SH3D19: variants seen among roughly 807,000 people sequenced by gnomAD.
SH3D19 encodes SH3 domain-containing protein 19.
In SH3D19, 58 loss-of-function variants were observed where a neutral mutation model predicts 112.1. The observed-to-expected ratio is 0.52, with a 90% CI of 0.42 to 0.64. SH3D19 has a LOEUF of 0.64. Among genes scored for constraint, SH3D19 ranks in the 30% least tolerant of loss-of-function variants. The pLI, the probability that SH3D19 is intolerant of heterozygous loss-of-function variation, is 0.00. For missense variants in SH3D19, 1,090 were observed against 1,263.4 expected, an observed-to-expected ratio of 0.86 and a Z score of 2.08; for synonymous variants, 391 against 448.5, an observed-to-expected ratio of 0.87 and a Z score of 1.62.
intron 7 of SH3D19, among the ~76,000 whole-genome samples, chr4:151,171,569 A>G (rs1008917603): frequency 1.3e-5 from 2 of 152,146 alleles, no homozygotes; most frequent in African/African-American, 4.8e-5. Flanking sequence ...CTGGTGAACA[A>G]GCAGAGGCCT....
intron 1 of SH3D19, among the ~76,000 whole-genome samples, chr4:151,234,857 A>G (rs1176787780): frequency 7.2e-6 from 1 of 139,424 alleles, no homozygotes; most frequent in Non-Finnish European, 1.5e-5. Context: ...AGGAGATCCC[A>G]CCTCGCCTCC....
intron 1 of SH3D19, among the ~76,000 whole-genome samples, chr4:151,312,185 C>T (rs918047472): frequency 3.3e-5 from 5 of 151,776 alleles, no homozygotes; most frequent in African/African-American, 1.2e-4. Flanking sequence ...TGAATTATAC[C>T]TCCACAAAGC....
At chr4:151,224,156 A>C (rs1429322575) in intron 2 of SH3D19, among the ~76,000 whole-genome samples, 4 of 152,148 alleles carry the variant, frequency 2.6e-5, no homozygotes, top group Non-Finnish European at 5.9e-5. Context: ...AAAAACACAA[A>C]AAATTAGCCA....
At chr4:151,180,282 T>C (rs1579990830) in intron 3 of SH3D19, among the ~76,000 whole-genome samples, 1 of 152,248 alleles carries the variant, frequency 6.6e-6, no homozygotes, top group East Asian at 1.9e-4. Context: ...CACTGACTTT[T>C]TCCTTAAGTC....
intron 1 of SH3D19, among the ~76,000 whole-genome samples, chr4:151,273,589 CAAAA>C (rs60600816): frequency 1.5e-5 from 1 of 64,650 alleles, no homozygotes; most frequent in Non-Finnish European, 2.5e-5. Context: ...GACTCCATCT[CAAAA>C]AAAAAAAAAA....
At chr4:151,280,092 T>C (rs1002071776) in intron 1 of SH3D19, 13 of 1,089,190 alleles carry the variant, frequency 1.2e-5, no homozygotes, top group African/African-American at 3.2e-5. Context: ...TGTCAGACTA[T>C]CAAACCCGAA....
chr4:151,316,762 G>A (rs1007254784), intron 1 of SH3D19, among the ~76,000 whole-genome samples: 12 of 151,964 alleles, frequency 7.9e-5, no homozygotes, highest in African/African-American at 2.7e-4. Context: ...TACAGTTCCT[G>A]AAGGTGAGGC....
intron 7 of SH3D19, among the ~76,000 whole-genome samples, chr4:151,169,292 GA>G (rs35229005): frequency 4.6e-5 from 7 of 151,444 alleles, no homozygotes; most frequent in East Asian, 3.9e-4. Context: ...ATGTCTCCGG[GA>G]AAAAAAAATT....
intron 1 of SH3D19, among the ~76,000 whole-genome samples, chr4:151,273,689 G>T (rs2149999514): frequency 6.6e-6 from 1 of 151,442 alleles, no homozygotes; most frequent in East Asian, 1.9e-4. Context: ...TTGCTCCTGT[G>T]GTAAGTCAAC....
chr4:151,221,661 A>G (rs1186381219), intron 2 of SH3D19, among the ~76,000 whole-genome samples: 1 of 152,216 alleles, frequency 6.6e-6, no homozygotes, highest in African/African-American at 2.4e-5. Context: ...TATTTATTCA[A>G]CAATTATTTA....
intron 9 of SH3D19, among the ~76,000 whole-genome samples, chr4:151,155,035 G>T (rs543554326): frequency 1.3e-5 from 2 of 152,304 alleles, no homozygotes; most frequent in South Asian, 4.1e-4. Context: ...TGGGATTACA[G>T]GTGTGAGCCA....
chr4:151,142,141 A>G (rs1753118157), intron 12 of SH3D19, among the ~76,000 whole-genome samples: 1 of 152,250 alleles, frequency 6.6e-6, no homozygotes, highest in Non-Finnish European at 1.5e-5. Flanking sequence ...AATATTAAGA[A>G]TAGCTAATAT....
At chr4:151,253,238 C>T (rs1771545100) in intron 1 of SH3D19, among the ~76,000 whole-genome samples, 1 of 152,308 alleles carries the variant, frequency 6.6e-6, no homozygotes, top group East Asian at 1.9e-4. Context: ...GTTTCCTAAA[C>T]GTTCCAAGCA....
chr4:151,185,836 A>G (rs759356550), intron 3 of SH3D19, among the ~76,000 whole-genome samples: 17 of 151,802 alleles, frequency 1.1e-4, no homozygotes, highest in African/African-American at 1.7e-4. Context: ...ACTTGAGGTC[A>G]GGAGACCAGC....
chr4:151,254,285 T>G (rs1226594547), intron 1 of SH3D19, among the ~76,000 whole-genome samples: 2 of 137,346 alleles, frequency 1.5e-5, no homozygotes, highest in African/African-American at 5.4e-5. Flanking sequence ...CTTGAATTAT[T>G]ATTTTTTTTA....
At chr4:151,143,863 GTGC>G (rs776101991) in intron 12 of SH3D19, 44 bp downstream of exon 12, 1 of 1,554,868 alleles carries the variant, frequency 6.4e-7, no homozygotes, top group Non-Finnish European at 8.7e-7. Flanking sequence ...TCCATGAAAT[GTGC>G]TGCTATGTGT....
At chr4:151,135,244 G>GTTCC in intron 14 of SH3D19, 112 bp from the exon 15 acceptor site, 1 of 734,404 alleles carries the variant, frequency 1.4e-6, no homozygotes. Context: ...GTTTAGCTAG[G>GTTCC]TGTTAATCTG....
At chr4:151,166,279 G>T (rs1386237642) in intron 7 of SH3D19, 3 of 152,186 alleles carry the variant, frequency 2.0e-5, no homozygotes, top group Non-Finnish European at 1.5e-5. Flanking sequence ...ATTTAATTTT[G>T]GGGGAAGGAT....
At chr4:151,282,462 C>T in intron 1 of SH3D19, 1 of 1,590,978 alleles carries the variant, frequency 6.3e-7, no homozygotes, top group Admixed American at 1.7e-5. Flanking sequence ...TCCTCTTGTA[C>T]TCCAGAACAT....
Sources: allele counts gnomAD v4.1 joint callset (sites outside exome capture counted in the v4.1 genomes callset), GRCh38; gene constraint gnomAD v4.1.1; transcripts MANE v1.5; gene names NCBI Gene and HGNC (gene_info 2026-07-23, HGNC 2026-07-21).